The following FAM89A variants were observed in gnomAD, a reference collection of about 807,000 sequenced individuals.
FAM89A encodes family with sequence similarity 89 member A, also known as protein FAM89A.
FAM89A carries 10 observed loss-of-function variants against 7.1 expected under a neutral mutation model. The observed-to-expected ratio is 1.40, with a 90% CI of 0.86 to 2.38. FAM89A has a LOEUF of 2.38. Among genes scored for constraint, FAM89A ranks in the 30% most tolerant of loss-of-function variants. The pLI, the probability that FAM89A is intolerant of heterozygous loss-of-function variation, is 0.00. For missense variants in FAM89A, 276 were observed against 262.8 expected (o/e 1.05, Z -0.35); for synonymous variants, 157 against 129.3 (o/e 1.21, Z -1.45).
chr1:231,030,021 G>A (rs556706496), intron 1 of FAM89A, among the ~76,000 whole-genome samples: 1 of 152,316 alleles, frequency 6.6e-6, no homozygotes, highest in African/African-American at 2.4e-5. Context: ...TGATGCAGTT[G>A]GAGACGGGCT....
At chr1:231,021,841 G>C in intron 1 of FAM89A, 1 of 1,598,654 alleles carries the variant, frequency 6.3e-7, no homozygotes, top group Non-Finnish European at 8.6e-7. Context: ...GAAGACCAAG[G>C]AGGAATGCTA....
intron 1 of FAM89A, among the ~76,000 whole-genome samples, chr1:231,024,806 G>A (rs1679935753): frequency 6.6e-6 from 1 of 151,748 alleles, no homozygotes; most frequent in Non-Finnish European, 1.5e-5. Flanking sequence ...CCAAAGTGCT[G>A]GTATTACAGG....
chr1:231,037,574 C>T (rs1680178657), intron 1 of FAM89A, among the ~76,000 whole-genome samples: 1 of 152,178 alleles, frequency 6.6e-6, no homozygotes, highest in African/African-American at 2.4e-5. Context: ...GTCCAGCTCT[C>T]CCTTCTGCAC....
intron 1 of FAM89A, among the ~76,000 whole-genome samples, 183 bp from the exon 2 acceptor site, chr1:231,020,309 T>C (rs1000857816): frequency 2.0e-5 from 3 of 152,210 alleles, no homozygotes; most frequent in Admixed American, 2.0e-4. Context: ...GTTATGCCCA[T>C]ACCTCAGACG....
At chr1:231,038,799 C>T (rs767121293) in intron 1 of FAM89A, among the ~76,000 whole-genome samples, 1 of 152,054 alleles carries the variant, frequency 6.6e-6, no homozygotes. Flanking sequence ...AGTATGCATA[C>T]CCTGAATTTT....
chr1:231,024,520 G>GCACACACACACACACA (rs3220109), intron 1 of FAM89A, among the ~76,000 whole-genome samples: 11,622 of 144,324 alleles, frequency 0.081, 514 homozygotes, highest in Non-Finnish European at 0.091. Flanking sequence ...TACATTGCAT[G>GCACACACACACACACA]CACACACACA....
chr1:231,025,161 A>T (rs1160586127), intron 1 of FAM89A, among the ~76,000 whole-genome samples: 2 of 151,530 alleles, frequency 1.3e-5, no homozygotes, highest in East Asian at 3.9e-4. Context: ...TGACCTTGTG[A>T]TCCACCCGCC....
intron 1 of FAM89A, among the ~76,000 whole-genome samples, chr1:231,029,806 G>T (rs1003783498): frequency 1.3e-5 from 2 of 152,202 alleles, no homozygotes; most frequent in Non-Finnish European, 2.9e-5. Context: ...AGTATATACA[G>T]ATGGCTCACA....
At chr1:231,022,197 G>T in intron 1 of FAM89A, 1 of 971,592 alleles carries the variant, frequency 1.0e-6, no homozygotes, top group Non-Finnish European at 1.7e-6. Flanking sequence ...ATTCAGAGAC[G>T]CCCAGGAGAG....
intron 1 of FAM89A, among the ~76,000 whole-genome samples, chr1:231,033,716 T>C (rs1156843118): frequency 6.6e-6 from 1 of 152,190 alleles, no homozygotes; most frequent in African/African-American, 2.4e-5. Flanking sequence ...GGTTGTAAGA[T>C]ATTTATGAGT....
chr1:231,023,917 A>G (rs987792820), intron 1 of FAM89A, among the ~76,000 whole-genome samples: 3 of 152,246 alleles, frequency 2.0e-5, no homozygotes, highest in African/African-American at 7.2e-5. Context: ...ACCCATTTTA[A>G]AATTTCTTTA....
In FAM89A at chr1:231,019,590, T is replaced by G. The variant is rs1417149654; in HGVS notation, c.*273A>C. 3.8e-5 allele frequency: 15 copies of G among 395,948 alleles called. No homozygotes were observed. Among genetic ancestry groups the G allele is most frequent in the Non-Finnish European group, 6.4e-5 (14 of 218,450 alleles). 24.5% of individuals were successfully genotyped at this position (395,948 alleles called of 1,614,324 possible). A position where few individuals can be genotyped will look rare whatever the true frequency, so the allele number is the denominator to read the frequency against. On this transcript the variant is annotated 3_prime_UTR_variant, in exon 2 of 2. Coordinates refer to ENST00000366654, the MANE Select transcript of FAM89A (RefSeq NM_198552.3). ...CGAGATCCTCTTGTTATATTCTCAT[T>G]ATGAATCCCCAGCAGGTGCACCTCA...
rs1472120754 is a variant in FAM89A at position 231,040,137 on chromosome 1, G to A, written c.75C>T (p.Pro25=). The A allele has an allele frequency of 3.0e-6, 4 of 1,344,406 alleles. No individual in the cohort carries two copies. The highest frequency in any genetic ancestry group is 3.8e-6 in the Non-Finnish European group (4 of 1,041,176). 83.3% of individuals were successfully genotyped at this position (1,344,406 alleles called of 1,614,324 possible). A position where few individuals can be genotyped will look rare whatever the true frequency, so the allele number is the denominator to read the frequency against. Residue 25 remains proline (P), a synonymous_variant, in exon 1 of 2, where the codon CCC becomes CCT. Coordinates refer to ENST00000366654, the MANE Select transcript of FAM89A (RefSeq NM_198552.3). ...GCCCGCTCAAGCTCTTTGGCAGCGG[G>A]GGCAGCCCGTCCACCCGCAGCCCCC... The part of the protein sequence containing the change: ...AVRGLRVDGL[P]PLPKSLSGLL...
rs963329014 is a variant in FAM89A at position 231,035,500 on chromosome 1, C to A, written c.291+4421G>T. 2.0e-5 allele frequency among the ~76,000 whole-genome samples: 3 copies of A among 152,190 alleles called. No homozygotes were observed. The East Asian group carries it at 5.8e-4, about 29-fold the overall frequency. Reference sequence around the variant, plus strand: ...CCTCAAAGATCTCCTGCCCCCAGGGCTGAAGGTCTTTGTGTCTCTACACTC... The same window carrying A: ...CCTCAAAGATCTCCTGCCCCCAGGGATGAAGGTCTTTGTGTCTCTACACTC... On this transcript the variant is annotated intron_variant, in intron 1 of 1. Coordinates refer to ENST00000366654, the MANE Select transcript of FAM89A (RefSeq NM_198552.3).
rs1261944632 is a variant in FAM89A, at chr1:231,021,567, T to G, written c.292-1441A>C. 25 of 1,156,210 alleles carry G rather than the reference T, an allele frequency of 2.2e-5. No individual in the cohort carries two copies. The East Asian group carries it at 5.9e-4, about 27-fold the overall frequency. 71.6% of individuals were successfully genotyped at this position (1,156,210 alleles called of 1,614,324 possible). Reference sequence around the variant, plus strand: ...ACTTCCCTGCAAACCTTGGTATAGATCACTTCCTTTTCTGTTAGGAAACGA... The same window carrying G: ...ACTTCCCTGCAAACCTTGGTATAGAGCACTTCCTTTTCTGTTAGGAAACGA... On this transcript the variant is annotated intron_variant, in intron 1 of 1. Coordinates refer to ENST00000366654, the MANE Select transcript of FAM89A (RefSeq NM_198552.3).
intron 1 of FAM89A, among the ~76,000 whole-genome samples, chr1:231,022,828 C>G (rs1199831696): frequency 6.6e-6 from 1 of 152,162 alleles, no homozygotes; most frequent in Admixed American, 6.5e-5. Flanking sequence ...AGCAGCCCAC[C>G]AGATGTAGCA....
At chr1:231,036,559 G>A (rs1680157727) in intron 1 of FAM89A, among the ~76,000 whole-genome samples, 1 of 151,994 alleles carries the variant, frequency 6.6e-6, no homozygotes, top group Non-Finnish European at 1.5e-5. Flanking sequence ...TTTCACAGGG[G>A]TTACTAGAAC....
chr1:231,039,329 G>C (rs1252451754), intron 1 of FAM89A, among the ~76,000 whole-genome samples: 1 of 152,222 alleles, frequency 6.6e-6, no homozygotes, highest in Non-Finnish European at 1.5e-5. Flanking sequence ...CGGGGCTGAG[G>C]GACCCGGCCG....
At chr1:231,021,710 G>C (rs766239900) in intron 1 of FAM89A, 7 of 1,594,066 alleles carry the variant, frequency 4.4e-6, no homozygotes, top group Non-Finnish European at 5.2e-6. Flanking sequence ...CTTGGAAGCA[G>C]AACCCATAGA....
Sources: gnomAD v4.1 joint callset for allele counts (sites outside exome capture counted in the v4.1 genomes callset) on GRCh38, gnomAD v4.1.1 for gene constraint, MANE v1.5 for transcripts, NCBI Gene and HGNC (gene_info 2026-07-23, HGNC 2026-07-21) for gene names.